COL25A1: variants seen among roughly 807,000 people sequenced by gnomAD.
COL25A1 encodes the protein collagen type XXV alpha 1 chain.
A neutral mutation model predicts 128.4 loss-of-function variants in COL25A1; 103 were observed. The observed-to-expected ratio is 0.80, with a 90% CI of 0.68 to 0.94. COL25A1 has a LOEUF of 0.94. Among genes scored for constraint, COL25A1 ranks in the 40% least tolerant of loss-of-function variants. The pLI is 0.00. For missense variants in COL25A1, 745 were observed against 840.0 expected (o/e 0.89, Z 1.40); for synonymous variants, 279 against 277.2 (o/e 1.01, Z -0.06).
At chr4:109,237,978 T>C (rs1191453861) in intron 3 of COL25A1, among the ~76,000 whole-genome samples, 3 of 152,122 alleles carry the variant, frequency 2.0e-5, no homozygotes, top group Non-Finnish European at 2.9e-5. Flanking sequence ...ATCCATGTCA[T>C]AGCATGTGTC....
intron 27 of COL25A1, 121 bp from the exon 28 acceptor site, chr4:108,846,340 T>C (rs1181441671): frequency 1.4e-6 from 1 of 695,810 alleles, no homozygotes; most frequent in Non-Finnish European, 2.6e-6. Context: ...GAGATGATTC[T>C]GATTTTTGTT....
intron 5 of COL25A1, among the ~76,000 whole-genome samples, chr4:109,039,873 T>C (rs1759716270): frequency 6.6e-6 from 1 of 152,200 alleles, no homozygotes; most frequent in Non-Finnish European, 1.5e-5. Flanking sequence ...TCCTTTTTTC[T>C]TTCCTTGACC....
intron 6 of COL25A1, among the ~76,000 whole-genome samples, chr4:108,984,703 C>T (rs1323740187): frequency 1.3e-5 from 2 of 152,220 alleles, no homozygotes; most frequent in South Asian, 2.1e-4. Context: ...GCAAGCACCG[C>T]GCGCAGCCCC....
chr4:109,059,196 A>T (rs1761719686), intron 3 of COL25A1, among the ~76,000 whole-genome samples: 2 of 152,234 alleles, frequency 1.3e-5, no homozygotes, highest in Admixed American at 1.3e-4. Flanking sequence ...AGCACTGTAC[A>T]TGCTTGGTCT....
chr4:109,064,396 T>C (rs535479546), intron 3 of COL25A1, among the ~76,000 whole-genome samples: 1 of 152,326 alleles, frequency 6.6e-6, no homozygotes, highest in African/African-American at 2.4e-5. Context: ...GTAGACATAA[T>C]TACAAAGTTC....
At chr4:109,066,475 C>T (rs148487440) in intron 3 of COL25A1, among the ~76,000 whole-genome samples, 7 of 152,318 alleles carry the variant, frequency 4.6e-5, no homozygotes, top group African/African-American at 1.7e-4. Flanking sequence ...ATCATTACAG[C>T]ACATATCATG....
At chr4:109,005,687 C>T (rs558472903) in intron 6 of COL25A1, among the ~76,000 whole-genome samples, 1 of 152,244 alleles carries the variant, frequency 6.6e-6, no homozygotes, top group Non-Finnish European at 1.5e-5. Flanking sequence ...GGTCATGACT[C>T]AGACAGGGGT....
At chr4:109,239,218 A>C (rs1004138352) in intron 3 of COL25A1, among the ~76,000 whole-genome samples, 2 of 151,608 alleles carry the variant, frequency 1.3e-5, no homozygotes, top group Non-Finnish European at 2.9e-5. Flanking sequence ...GAGTGTACTT[A>C]AACAAACCTA....
At chr4:108,966,293 GCATAAACTGAGTCTAT>G (rs1560944611) in intron 8 of COL25A1, among the ~76,000 whole-genome samples, 1 of 152,124 alleles carries the variant, frequency 6.6e-6, no homozygotes, top group Non-Finnish European at 1.5e-5. Context: ...TGTGTGGCCT[GCATAAACTGAGTCTAT>G]CATAATTACA....
chr4:108,997,550 G>C (rs1339145488), intron 6 of COL25A1, among the ~76,000 whole-genome samples: 1 of 152,172 alleles, frequency 6.6e-6, no homozygotes, highest in East Asian at 1.9e-4. Context: ...GAGGTACAAA[G>C]AGGAGCTGGT....
chr4:108,937,993 A>G, intron 10 of COL25A1, 150 bp from the exon 11 acceptor site: 1 of 586,262 alleles, frequency 1.7e-6, no homozygotes, highest in Non-Finnish European at 2.9e-6. Flanking sequence ...AAAGAGAGCT[A>G]ATTTCCCTTC....
intron 3 of COL25A1, among the ~76,000 whole-genome samples, chr4:109,078,116 G>T (rs1336506715): frequency 2.0e-5 from 3 of 152,118 alleles, no homozygotes. Context: ...CAGTGCCTGG[G>T]TTTCTCTATT....
intron 8 of COL25A1, among the ~76,000 whole-genome samples, chr4:108,956,699 C>T (rs1750112971): frequency 1.3e-5 from 2 of 152,220 alleles, no homozygotes; most frequent in Non-Finnish European, 2.9e-5. Context: ...AGCCACCACA[C>T]CCAGCCTCAA....
intron 6 of COL25A1, among the ~76,000 whole-genome samples, chr4:108,999,273 AAAAC>A (rs1281042217): frequency 4.6e-5 from 7 of 152,364 alleles, no homozygotes; most frequent in East Asian, 1.9e-4. Context: ...TTGCAAGAAA[AAAAC>A]AAACAACCCC....
At chr4:109,047,724 T>C (rs964006727) in intron 5 of COL25A1, among the ~76,000 whole-genome samples, 3 of 134,546 alleles carry the variant, frequency 2.2e-5, no homozygotes, top group Non-Finnish European at 3.1e-5. Context: ...ACTTTAAGTA[T>C]ACTCTTTTTT....
At chr4:109,227,188 T>C (rs1778863035) in intron 3 of COL25A1, among the ~76,000 whole-genome samples, 1 of 152,130 alleles carries the variant, frequency 6.6e-6, no homozygotes, top group Admixed American at 6.5e-5. Context: ...AATGTTTTTA[T>C]ATACAAATAC....
At chr4:109,056,915 G>C (rs367567346) in intron 3 of COL25A1, among the ~76,000 whole-genome samples, 6 of 152,178 alleles carry the variant, frequency 3.9e-5, no homozygotes, top group Non-Finnish European at 8.8e-5. Context: ...TATTTAGAGT[G>C]CAGTGGTGAT....
At position 109,154,093 on chromosome 4, in the gene COL25A1, A is replaced by G. The variant is rs536373329; in HGVS notation, c.368-103914T>C. On this transcript the variant is annotated intron_variant, in intron 3 of 37. Transcript: ENST00000399132. ...ACTAGAAATAATTCAGGGACTTTTG[A>G]CTATTGCTTTTATAGTAAATCAAAT... is the stretch of plus-strand genomic sequence containing the variant. Among the ~76,000 whole-genome samples, 4 of 152,316 alleles carry G rather than the reference A, an allele frequency of 2.6e-5. No individual in the cohort carries two copies. The South Asian group carries it at 8.3e-4, about 32-fold the overall frequency.
At chr4:108,952,054 G>C (rs1477918933) in intron 8 of COL25A1, among the ~76,000 whole-genome samples, 4 of 152,080 alleles carry the variant, frequency 2.6e-5, no homozygotes, top group Admixed American at 2.6e-4. Flanking sequence ...TGAATTTAAG[G>C]AAATGAATGT....
Sources: gnomAD v4.1 joint callset for allele counts (sites outside exome capture counted in the v4.1 genomes callset) on GRCh38, gnomAD v4.1.1 for gene constraint, MANE v1.5 for transcripts, NCBI Gene and HGNC (gene_info 2026-07-23, HGNC 2026-07-21) for gene names.